KMT2C: variants seen among roughly 807,000 people sequenced by gnomAD.
The protein encoded by KMT2C is lysine methyltransferase 2C, also known as histone-lysine N-methyltransferase 2C.
Under a neutral mutation model 507.9 loss-of-function variants are expected in KMT2C, and 88 were observed. The ratio of observed to expected loss-of-function variants is 0.17; its 90% CI spans 0.15 to 0.21. KMT2C has a LOEUF of 0.21. Ranked by LOEUF, KMT2C falls within the 10% of genes least tolerant of loss-of-function variation. The pLI is 1.00. For missense variants in KMT2C, 4,954 were observed against 5,957.8 expected (o/e 0.83, Z 5.55); for synonymous variants, 2,049 against 2,080.8 (o/e 0.98, Z 0.42).
rs1019443624 is a variant in KMT2C, at chr7:152,138,629, T to C, written c.14643+167A>G. On this transcript the variant is annotated intron_variant, in intron 58 of 58. Coordinates refer to ENST00000262189, the MANE Select transcript of KMT2C (RefSeq NM_170606.3). The surrounding 1 kb of genome is among the most constrained non-coding windows in gnomAD (Gnocchi z 4.2). ...CCATGTGGAGGAAGGTGAACTGGAG[T>C]GCCTGAAGGGTGAGATACTGCAGGG... is the stretch of plus-strand genomic sequence containing the variant. 1.5e-5 allele frequency: 8 copies of C among 521,642 alleles called. No homozygotes were observed. The Admixed American group carries it at 3.0e-4, about 20-fold the overall frequency. The allele number at this position is 521,642 out of a possible 1,614,324, so 32.3% of individuals were successfully genotyped here.
chr7:152,179,247 C>T (rs774843485), intron 37 of KMT2C, among the ~76,000 whole-genome samples: 1 of 152,208 alleles, frequency 6.6e-6, no homozygotes, highest in Non-Finnish European at 1.5e-5. Flanking sequence ...CCGCCCACCT[C>T]GGCCTCCCAA....
At chr7:152,221,511 AAC>A (rs2094770481) in intron 22 of KMT2C, among the ~76,000 whole-genome samples, 1 of 152,234 alleles carries the variant, frequency 6.6e-6, no homozygotes, top group African/African-American at 2.4e-5. Context: ...AAATGTACAA[AAC>A]TGTTGTTCCT....
chr7:152,195,967 T>G lies in KMT2C; in HGVS notation c.4318A>C (p.Thr1440Pro), dbSNP rs1410419397. 6.2e-7 allele frequency: 1 copy of G among 1,610,512 alleles called. No individual in the cohort carries two copies. Among genetic ancestry groups the G allele is most frequent in the Non-Finnish European group, 8.5e-7 (1 of 1,177,590 alleles). ...PLADISEVLN[T>P]DDDILGIISD... is the part of the protein sequence containing the mutation. The stretch of plus-strand genomic sequence containing the variant: ...ATTATTCCAAGAATGTCATCATCTG[T>G]GTTTAAAACTTCAGAAATATCAGCT... Residue 1440 changes from threonine to proline, a missense_variant, in exon 28 of 59, where the codon ACA (threonine) becomes CCA (proline). By Grantham distance (38) the Thr-to-Pro change is conservative (BLOSUM62 -1). This residue lies in a region of KMT2C where 140 missense variants were observed against 118.4 expected (regional missense o/e 1.18). Transcript: ENST00000262189.
At chr7:152,199,909 T>C (rs2094080332) in intron 26 of KMT2C, among the ~76,000 whole-genome samples, 1 of 152,212 alleles carries the variant, frequency 6.6e-6, no homozygotes, top group Admixed American at 6.5e-5. Flanking sequence ...GACGGTTTTA[T>C]AGTCAGTTTA....
chr7:152,178,015 T>TTTAAAAAAAAAAAAAAAAA lies in KMT2C; in HGVS notation c.7443-6_7443-5insTTTTTTTTTTTTTTTTTAA, dbSNP rs1491309235. On this transcript the variant is annotated splice_polypyrimidine_tract_variant and splice_region_variant and intron_variant, in intron 37 of 58. Transcript: ENST00000262189. Reference sequence around the variant, plus strand: ...CTACCTCCTGGAAATCCAAATCTTTTAAAAAAAAAAAAAAAAAAAAAAAAA... The same window carrying TTTAAAAAAAAAAAAAAAAA: ...CTACCTCCTGGAAATCCAAATCTTTTTTAAAAAAAAAAAAAAAAAAAAAAAAAAAAAAAAAAAAAAAAAA... The TTTAAAAAAAAAAAAAAAAA allele has an allele frequency of 2.6e-6, 2 of 777,676 alleles. No individual in the cohort carries two copies. Among genetic ancestry groups the TTTAAAAAAAAAAAAAAAAA allele is most frequent in the African/African-American group, 6.5e-5 (2 of 30,860 alleles). 48.2% of individuals were successfully genotyped at this position (777,676 alleles called of 1,614,324 possible).
At chr7:152,156,452 G>C in intron 44 of KMT2C, 106 bp from the exon 45 acceptor site, 2 of 1,387,174 alleles carry the variant, frequency 1.4e-6, no homozygotes, top group Non-Finnish European at 1.9e-6. Flanking sequence ...CAAGGCTACA[G>C]AAATGTAATC....
chr7:152,156,207 T>G lies in KMT2C; in HGVS notation c.11810A>C (p.Glu3937Ala). 6.2e-7 allele frequency: 1 copy of G among 1,614,116 alleles called. No individual in the cohort carries two copies. The highest frequency in any genetic ancestry group is 8.5e-7 in the Non-Finnish European group (1 of 1,179,978). The change falls in exon 45 of 59, where the codon GAA becomes GCA. Residue 3937 changes from glutamate to alanine, a missense_variant and splice_region_variant. This residue lies in a region of KMT2C where 104 missense variants were observed against 134.3 expected (regional missense o/e 0.77). Transcript: ENST00000262189. Reference sequence around the variant, plus strand: ...AAATTTGGAGGCTATAATCATACCTTCATGGCTCACTAACACTCCGGCTTT... The same window carrying G: ...AAATTTGGAGGCTATAATCATACCTGCATGGCTCACTAACACTCCGGCTTT... ...AGKAGVLVSH[E>A]VTKTLGPKPF...
At chr7:152,158,736 G>T in intron 44 of KMT2C, 127 bp downstream of exon 44, 1 of 810,018 alleles carries the variant, frequency 1.2e-6, no homozygotes, top group Admixed American at 2.0e-5. Context: ...AGCTCATCTA[G>T]AACTCATGCC....
intron 9 of KMT2C, among the ~76,000 whole-genome samples, chr7:152,255,109 T>TTA (rs1207305132): frequency 0.12 from 9,130 of 77,950 alleles, 848 homozygotes; most frequent in Non-Finnish European, 0.14. Context: ...CAACTCTCAC[T>TTA]TATATATATA....
At position 152,176,424 on chromosome 7, in the gene KMT2C, G is replaced by A. The variant is rs1253731106; in HGVS notation, c.9029C>T (p.Ala3010Val). The A allele has an allele frequency of 1.2e-6, 2 of 1,614,168 alleles. No individual in the cohort carries two copies. Among genetic ancestry groups the A allele is most frequent in the Non-Finnish European group, 1.7e-6 (2 of 1,180,032 alleles). ...VNHSLGTGKP[A>V]TQTGPQTSQS... is the part of the protein sequence containing the mutation. The stretch of plus-strand genomic sequence containing the variant: ...ACTTGTTTGAGGCCCAGTTTGAGTT[G>A]CAGGTTTTCCTGTCCCCAGACTGTG... The change falls in exon 38 of 59, where the codon GCA becomes GTA. Residue 3010 changes from alanine (A) to valine (V), a missense_variant. Transcript: ENST00000262189.
Position 152,135,717 on chromosome 7 carries a change from A to T in KMT2C, c.*1115T>A, listed in dbSNP as rs1488655593. On this transcript the variant is annotated 3_prime_UTR_variant, in exon 59 of 59. Coordinates refer to ENST00000262189, the MANE Select transcript of KMT2C (RefSeq NM_170606.3). ...GTTATTCACAGTTATCACAAATTGT[A>T]AGCACAAAAAAACCTGACTGAAGAA... 1 of 227,172 alleles carries T rather than the reference A, an allele frequency of 4.4e-6. No individual in the cohort carries two copies. Among genetic ancestry groups the T allele is most frequent in the Non-Finnish European group, 8.8e-6 (1 of 114,202 alleles). The allele number at this position is 227,172 out of a possible 1,614,324, so 14.1% of individuals were successfully genotyped here. A position where few individuals can be genotyped will look rare whatever the true frequency, so the allele number is the denominator to read the frequency against.
At chr7:152,208,400 C>G (rs1424405121) in intron 23 of KMT2C, among the ~76,000 whole-genome samples, 1 of 152,224 alleles carries the variant, frequency 6.6e-6, no homozygotes, top group African/African-American at 2.4e-5. Context: ...TTATGTCAAA[C>G]AGTTGTATGC....
In KMT2C at chr7:152,136,647, T is replaced by G. The variant is rs1414782653; in HGVS notation, c.*185A>C. ...CCTCGGCCACTTCAGGAACGCTGCT[T>G]CTGTCAGCTTCCTCCTGGCGCTGCT... On this transcript the variant is annotated 3_prime_UTR_variant, in exon 59 of 59. Transcript: ENST00000262189. 1.7e-6 allele frequency: 1 copy of G among 586,306 alleles called. No individual in the cohort carries two copies. The highest frequency in any genetic ancestry group is 1.9e-5 in the African/African-American group (1 of 53,392). The allele number at this position is 586,306 out of a possible 1,614,324, so 36.3% of individuals were successfully genotyped here.
intron 6 of KMT2C, among the ~76,000 whole-genome samples, chr7:152,276,987 T>C (rs146635873): frequency 1.3e-5 from 2 of 152,148 alleles, no homozygotes; most frequent in East Asian, 3.8e-4. Flanking sequence ...TTACCAATTT[T>C]AAGAATGAGT....
rs2097045988 is a variant in KMT2C, at chr7:152,345,185, T to TGAGGCCAGCATTTC, written c.250+13388_250+13401dup. On this transcript the variant is annotated intron_variant, in intron 2 of 58. Transcript: ENST00000262189. ...CAGTAATCCCACCACTTTAGGAGGC[T>TGAGGCCAGCATTTC]GAGGCCAGCATTTCAAGACCAGCCT... Among the ~76,000 whole-genome samples, 3 of 151,942 alleles carry TGAGGCCAGCATTTC rather than the reference T, an allele frequency of 2.0e-5. No homozygotes were observed. The South Asian group carries it at 6.2e-4, about 32-fold the overall frequency.
intron 26 of KMT2C, among the ~76,000 whole-genome samples, chr7:152,200,224 T>C (rs1486892703): frequency 6.6e-6 from 1 of 152,256 alleles, no homozygotes; most frequent in East Asian, 1.9e-4. Context: ...TTGCCAAACA[T>C]GCACAAAAAA....
chr7:152,223,965 C>G (rs1162884312), intron 20 of KMT2C, 50 bp downstream of exon 20: 2 of 1,197,406 alleles, frequency 1.7e-6, no homozygotes, highest in East Asian at 2.5e-5. Context: ...TTTTTTTTTG[C>G]TACATTTCAA....
At chr7:152,377,721 C>T (rs1289848681) in intron 1 of KMT2C, among the ~76,000 whole-genome samples, 1 of 135,796 alleles carries the variant, frequency 7.4e-6, no homozygotes, top group African/African-American at 2.9e-5. Context: ...GGCGACAAAG[C>T]GAGACTCCGT....
chr7:152,207,896 G>A (rs551880282), intron 23 of KMT2C, among the ~76,000 whole-genome samples: 93 of 152,158 alleles, frequency 6.1e-4, no homozygotes, highest in African/African-American at 1.6e-3. Flanking sequence ...AATGTAACCC[G>A]GAGAAGACAG....
Sources: allele counts gnomAD v4.1 joint callset (sites outside exome capture counted in the v4.1 genomes callset), GRCh38; gene constraint gnomAD v4.1.1; regional missense constraint gnomAD v4.1.1; non-coding constraint Gnocchi (gnomAD v3.1); transcripts MANE v1.5; gene names NCBI Gene and HGNC (gene_info 2026-07-23, HGNC 2026-07-21).